Variants in SAMD12 observed in about 807,000 individuals in gnomAD.
SAMD12 encodes sterile alpha motif domain containing 12.
Under a neutral mutation model 15.0 loss-of-function variants are expected in SAMD12, and 9 were observed. The observed-to-expected ratio is 0.60, with a 90% CI of 0.36 to 1.05. The LOEUF (loss-of-function observed/expected upper bound fraction) is 1.05. SAMD12 is among the 50% of genes least tolerant of loss of function. The pLI is 0.01. For missense variants in SAMD12, 230 were observed against 234.2 expected (o/e 0.98, Z 0.12); for synonymous variants, 86 against 90.1 (o/e 0.96, Z 0.25).
chr8:118,474,029 G>T (rs1823886718), intron 2 of SAMD12, among the ~76,000 whole-genome samples: 1 of 152,066 alleles, frequency 6.6e-6, no homozygotes, highest in Non-Finnish European at 1.5e-5. Context: ...TGTGATCCTG[G>T]GTCACTGCAA....
intron 2 of SAMD12, among the ~76,000 whole-genome samples, chr8:118,459,639 C>A (rs1326466204): frequency 1.3e-5 from 2 of 152,108 alleles, no homozygotes; most frequent in Non-Finnish European, 2.9e-5. Context: ...CATGCAAAGA[C>A]TTTTGAATTT....
At chr8:118,364,755 G>C (rs148956397) in intron 4 of SAMD12, among the ~76,000 whole-genome samples, 1 of 152,260 alleles carries the variant, frequency 6.6e-6, no homozygotes, top group Non-Finnish European at 1.5e-5. Flanking sequence ...TTTGGGGGAG[G>C]AGAATGTGGT....
chr8:118,547,936 G>A (rs1826179191), intron 2 of SAMD12, among the ~76,000 whole-genome samples: 1 of 152,096 alleles, frequency 6.6e-6, no homozygotes, highest in Non-Finnish European at 1.5e-5. Flanking sequence ...TATAGTGATA[G>A]AGGGGTACAT....
chr8:118,476,873 C>T (rs1423384613), intron 2 of SAMD12, among the ~76,000 whole-genome samples: 1 of 152,162 alleles, frequency 6.6e-6, no homozygotes, highest in Non-Finnish European at 1.5e-5. Context: ...TCTCTGCCAG[C>T]TCTTGAGCAA....
At chr8:118,414,990 T>A (rs2130824432) in intron 3 of SAMD12, among the ~76,000 whole-genome samples, 1 of 152,358 alleles carries the variant, frequency 6.6e-6, no homozygotes, top group African/African-American at 2.4e-5. Flanking sequence ...TAGTCATCTG[T>A]CACCTCCTCC....
intron 3 of SAMD12, among the ~76,000 whole-genome samples, chr8:118,389,289 G>C (rs1306185728): frequency 6.6e-6 from 1 of 152,198 alleles, no homozygotes; most frequent in Non-Finnish European, 1.5e-5. Context: ...TGATGCATCA[G>C]GGCAACCTCC....
chr8:118,617,320 T>C (rs1828263297), intron 1 of SAMD12, among the ~76,000 whole-genome samples: 1 of 152,268 alleles, frequency 6.6e-6, no homozygotes, highest in South Asian at 2.1e-4. Context: ...ATTTCCCATT[T>C]TCCCAGTCAC....
intron 3 of SAMD12, among the ~76,000 whole-genome samples, chr8:118,404,163 T>C (rs1821010189): frequency 6.6e-6 from 1 of 152,200 alleles, no homozygotes; most frequent in South Asian, 2.1e-4. Flanking sequence ...TTAAAACTTT[T>C]TGTAGAGATG....
intron 2 of SAMD12, among the ~76,000 whole-genome samples, chr8:118,552,187 A>C (rs1390927498): frequency 6.6e-6 from 1 of 152,220 alleles, no homozygotes. Flanking sequence ...TGAGGCCAGC[A>C]TCATCCTGAT....
chr8:118,535,232 G>C (rs556637545), intron 2 of SAMD12, among the ~76,000 whole-genome samples: 2 of 152,350 alleles, frequency 1.3e-5, no homozygotes, highest in Admixed American at 1.3e-4. Flanking sequence ...CTGTTTGCCT[G>C]GGTATCACCA....
In SAMD12 at chr8:118,548,404, CA is replaced by C. The variant is rs1207589138; in HGVS notation, c.192+32310del. ...ACACATACACACACACACACACACACACACACACACACACACACACCCCATG... is the reference window on the plus strand; with the variant it reads ...ACACATACACACACACACACACACACCACACACACACACACACACCCCATG... On this transcript the variant is annotated intron_variant, in intron 2 of 3. Transcript: ENST00000314727. 6.0e-4 allele frequency among the ~76,000 whole-genome samples: 90 copies of C among 151,256 alleles called. 2 individuals are homozygous for C. The highest frequency in any genetic ancestry group is 2.1e-3 in the African/African-American group (88 of 41,344).
intron 4 of SAMD12, among the ~76,000 whole-genome samples, chr8:118,282,501 T>A (rs1194764471): frequency 2.0e-5 from 3 of 152,232 alleles, no homozygotes; most frequent in Non-Finnish European, 4.4e-5. Flanking sequence ...AAACACACAA[T>A]ATCTTGCTTT....
At chr8:118,479,431 A>G (rs1824057333) in intron 2 of SAMD12, among the ~76,000 whole-genome samples, 1 of 152,236 alleles carries the variant, frequency 6.6e-6, no homozygotes, top group South Asian at 2.1e-4. Context: ...GCGGCAAGAA[A>G]GAATGAGAAG....
intron 3 of SAMD12, among the ~76,000 whole-genome samples, chr8:118,392,276 A>C (rs985392161): frequency 6.6e-6 from 1 of 151,980 alleles, no homozygotes; most frequent in African/African-American, 2.4e-5. Context: ...AATACACACA[A>C]AAAAATTAGC....
At chr8:118,156,226 CAT>C in the SAMD12 span, among the ~76,000 whole-genome samples, 1 of 152,082 alleles carries the variant, frequency 6.6e-6, no homozygotes, top group South Asian at 2.1e-4. Flanking sequence ...CTTTCATTTC[CAT>C]GGCACTTTAC....
intron 2 of SAMD12, among the ~76,000 whole-genome samples, chr8:118,497,800 C>G (rs56411623): frequency 6.7e-6 from 1 of 149,502 alleles, no homozygotes; most frequent in African/African-American, 2.5e-5. Flanking sequence ...AAAAAAGATG[C>G]CATTTTGAGG....
intron 3 of SAMD12, among the ~76,000 whole-genome samples, chr8:118,407,153 G>T (rs1398484162): frequency 1.3e-5 from 2 of 151,988 alleles, no homozygotes; most frequent in Non-Finnish European, 2.9e-5. Context: ...TTTCTTCAAG[G>T]TTCTGGTTTC....
At chr8:118,306,185 A>G in intron 4 of SAMD12, among the ~76,000 whole-genome samples, 1 of 152,132 alleles carries the variant, frequency 6.6e-6, no homozygotes, top group East Asian at 1.9e-4. Context: ...TTTTAAAAAC[A>G]CTTGGAGTGG....
chr8:118,298,245 C>T (rs976941158), intron 4 of SAMD12, among the ~76,000 whole-genome samples: 1 of 152,182 alleles, frequency 6.6e-6, no homozygotes, highest in African/African-American at 2.4e-5. Context: ...CTCAAAAATG[C>T]ACTTCTTATA....
Sources: gnomAD v4.1 joint callset for allele counts (sites outside exome capture counted in the v4.1 genomes callset) on GRCh38, gnomAD v4.1.1 for gene constraint, MANE v1.5 for transcripts, NCBI Gene and HGNC (gene_info 2026-07-23, HGNC 2026-07-21) for gene names.